Variants in CNIH3 observed in about 807,000 individuals in gnomAD.
CNIH3 encodes the protein protein cornichon homolog 3.
Under a neutral mutation model 24.1 loss-of-function variants are expected in CNIH3, and 14 were observed. The ratio of observed to expected loss-of-function variants is 0.58; its 90% CI spans 0.38 to 0.91. The LOEUF (loss-of-function observed/expected upper bound fraction) is 0.91. CNIH3 is among the 40% of genes least tolerant of loss of function. The pLI is 0.00. For missense variants in CNIH3, 178 were observed against 196.8 expected (o/e 0.90, Z 0.57); for synonymous variants, 68 against 73.8 (o/e 0.92, Z 0.40).
chr1:224,473,178 A>G (rs1425369797), intron 1 of CNIH3, among the ~76,000 whole-genome samples: 2 of 152,216 alleles, frequency 1.3e-5, no homozygotes, highest in Non-Finnish European at 1.5e-5. Context: ...AAAACGTACA[A>G]TGGATACACA....
rs146915380 is a variant in CNIH3, at chr1:224,465,862, C to T, written n.203+31000C>T. 3.9e-5 allele frequency among the ~76,000 whole-genome samples: 6 copies of T among 152,052 alleles called. No homozygotes were observed. The East Asian group carries it at 1.2e-3, about 30-fold the overall frequency. ...GGCCAACATAGTGAAACCCCATCTC[C>T]ACTAAAAATACAAAAATGAGCCGGG... On this transcript the variant is annotated intron_variant and non_coding_transcript_variant, in intron 1 of 5. Transcript: ENST00000471578.
intron 1 of CNIH3, among the ~76,000 whole-genome samples, chr1:224,493,161 G>GT (rs1262100676): frequency 6.6e-6 from 1 of 151,910 alleles, no homozygotes; most frequent in Non-Finnish European, 1.5e-5. Context: ...TTTATTTTTT[G>GT]TTTTTTAAAG....
intron 1 of CNIH3, among the ~76,000 whole-genome samples, chr1:224,482,130 G>C (rs1676839545): frequency 6.6e-6 from 1 of 152,150 alleles, no homozygotes; most frequent in African/African-American, 2.4e-5. Context: ...TCACCCTTCA[G>C]GGCAGTGGGT....
At position 224,713,737 on chromosome 1, in the gene CNIH3, C is replaced by A. The variant is rs115837976; in HGVS notation, c.199-16725C>A. ...AAGCTCTTTTCTACCAAGATGAAAT[C>A]TGTTTATTTTAGTGTTAATACTTTA... On this transcript the variant is annotated intron_variant, in intron 3 of 5. Coordinates refer to ENST00000272133, the MANE Select transcript of CNIH3 (RefSeq NM_152495.2). 5.1e-3 allele frequency among the ~76,000 whole-genome samples: 777 copies of A among 152,306 alleles called. 6 individuals carry two copies. The highest frequency in any genetic ancestry group is 0.017 in the African/African-American group (724 of 41,568).
chr1:224,512,327 A>T (rs958386584), upstream of CNIH3, among the ~76,000 whole-genome samples: 33 of 152,044 alleles, frequency 2.2e-4, no homozygotes, highest in Non-Finnish European at 3.8e-4. Flanking sequence ...ACAGAAAATT[A>T]AAAAATTAGC....
At chr1:224,437,702 A>G (rs1674721573) in intron 1 of CNIH3, among the ~76,000 whole-genome samples, 1 of 152,222 alleles carries the variant, frequency 6.6e-6, no homozygotes, top group South Asian at 2.1e-4. Flanking sequence ...TGAATCACTC[A>G]AAAGAGGGGT....
intron 1 of CNIH3, among the ~76,000 whole-genome samples, chr1:224,660,674 A>G (rs1685307659): frequency 6.6e-6 from 1 of 152,246 alleles, no homozygotes; most frequent in Non-Finnish European, 1.5e-5. Flanking sequence ...TTTATGCACA[A>G]GTAGAAAACA....
intron 2 of CNIH3, among the ~76,000 whole-genome samples, chr1:224,521,714 G>T (rs1172726045): frequency 1.3e-5 from 2 of 152,216 alleles, no homozygotes; most frequent in African/African-American, 2.4e-5. Flanking sequence ...CAAAGGGGTG[G>T]TAGAGGGATG....
chr1:224,650,362 A>G (rs992913675), intron 1 of CNIH3, among the ~76,000 whole-genome samples: 2 of 152,182 alleles, frequency 1.3e-5, no homozygotes, highest in Admixed American at 6.5e-5. Flanking sequence ...GGCTGAGTAC[A>G]TACTTCCTGG....
chr1:224,722,132 G>A (rs1688755330), intron 3 of CNIH3, among the ~76,000 whole-genome samples: 1 of 152,170 alleles, frequency 6.6e-6, no homozygotes, highest in Non-Finnish European at 1.5e-5. Context: ...AGGGTTGGGT[G>A]GGAGGAGGCC....
intron 3 of CNIH3, among the ~76,000 whole-genome samples, chr1:224,609,461 G>T (rs1364269184): frequency 6.6e-6 from 1 of 152,118 alleles, no homozygotes; most frequent in Non-Finnish European, 1.5e-5. Context: ...GGGAGTGTTT[G>T]GATGGGGGTG....
intron 1 of CNIH3, among the ~76,000 whole-genome samples, chr1:224,663,327 T>C (rs949152524): frequency 2.6e-5 from 4 of 152,120 alleles, no homozygotes; most frequent in Non-Finnish European, 4.4e-5. Flanking sequence ...CAGGCCGCAA[T>C]GTGGGATTGA....
rs772919189 is a variant in CNIH3, at chr1:224,684,884, G to C, written c.198+41G>C. The stretch of plus-strand genomic sequence containing the variant: ...TCATGCCGAGGATGGAGGATCGCAT[G>C]GTGGTGGGTGGGCACACAGTGAAAG... On this transcript the variant is annotated intron_variant, in intron 3 of 5. Transcript: ENST00000272133. The surrounding 1 kb of genome is among the most constrained non-coding windows in gnomAD (Gnocchi z 4.2). 1 of 1,588,202 alleles carries C rather than the reference G, an allele frequency of 6.3e-7. No homozygotes were observed. The highest frequency in any genetic ancestry group is 1.1e-5 in the South Asian group (1 of 90,576).
chr1:224,681,557 G>T (rs1686406143), intron 2 of CNIH3, among the ~76,000 whole-genome samples: 1 of 152,190 alleles, frequency 6.6e-6, no homozygotes, highest in Admixed American at 6.5e-5. Flanking sequence ...GATTGTCCTG[G>T]TCTGGGTTCG....
chr1:224,460,487 CT>C (rs1447612514), intron 1 of CNIH3, among the ~76,000 whole-genome samples: 1 of 152,136 alleles, frequency 6.6e-6, no homozygotes, highest in African/African-American at 2.4e-5. Context: ...AGAGTACGTG[CT>C]CTTCTTTTGT....
chr1:224,730,503 T>A lies in CNIH3; in HGVS notation c.240T>A (p.Ile80=). The stretch of plus-strand genomic sequence containing the variant: ...ACTCCATCCATAGCCTCTTCTGCAT[T>A]ATGTTCCTGTGTGCGCAAGAGTGGC... The part of the protein sequence containing the change: ...PEYSIHSLFC[I]MFLCAQEWLT... Residue 80 remains isoleucine, a synonymous_variant, in exon 4 of 6, where the codon ATT becomes ATA. Coordinates refer to ENST00000272133, the MANE Select transcript of CNIH3 (RefSeq NM_152495.2). The A allele has an allele frequency of 6.4e-7, 1 of 1,561,966 alleles. No individual in the cohort carries two copies. The highest frequency in any genetic ancestry group is 2.3e-5 in the East Asian group (1 of 42,674).
intron 1 of CNIH3, among the ~76,000 whole-genome samples, chr1:224,457,511 ATTTTTTTTT>A (rs943521801): frequency 9.0e-6 from 1 of 111,218 alleles, no homozygotes; most frequent in Non-Finnish European, 1.8e-5. Flanking sequence ...TGGTCTGGGG[ATTTTTTTTT>A]TTTTTTTTTT....
intron 1 of CNIH3, chr1:224,459,347 C>A: frequency 2.2e-6 from 1 of 448,972 alleles, no homozygotes; most frequent in Non-Finnish European, 2.9e-6. Flanking sequence ...GAAAAGAAAT[C>A]CTTGCAGTAT....
intron 1 of CNIH3, among the ~76,000 whole-genome samples, chr1:224,519,808 C>A (rs934431239): frequency 2.0e-5 from 3 of 151,588 alleles, no homozygotes; most frequent in African/African-American, 7.3e-5. Flanking sequence ...TTGACTAACA[C>A]GGTAGCTACT....
Sources: allele counts gnomAD v4.1 joint callset (sites outside exome capture counted in the v4.1 genomes callset), GRCh38; gene constraint gnomAD v4.1.1; non-coding constraint Gnocchi (gnomAD v3.1); transcripts MANE v1.5; gene names NCBI Gene and HGNC (gene_info 2026-07-23, HGNC 2026-07-21).